The following KCTD16 variants were observed in gnomAD, a reference collection of about 807,000 sequenced individuals.
The protein encoded by KCTD16 is BTB/POZ domain-containing protein KCTD16.
In KCTD16, 13 loss-of-function variants were observed where a neutral mutation model predicts 33.2. The observed-to-expected ratio is 0.39, with a 90% CI of 0.25 to 0.62. KCTD16 has a LOEUF of 0.62. Ranked by LOEUF, KCTD16 falls within the 20% of genes least tolerant of loss-of-function variation. The pLI is 0.50. For missense variants in KCTD16, 441 were observed against 525.1 expected (o/e 0.84, Z 1.57); for synonymous variants, 197 against 195.3 (o/e 1.01, Z -0.07).
At chr5:144,261,615 C>T (rs1479703390) in intron 3 of KCTD16, among the ~76,000 whole-genome samples, 1 of 152,234 alleles carries the variant, frequency 6.6e-6, no homozygotes, top group Admixed American at 6.5e-5. Flanking sequence ...ATGGCTTATT[C>T]AAGGTCACCT....
chr5:144,429,394 C>T (rs1753406448), intron 3 of KCTD16, among the ~76,000 whole-genome samples: 1 of 152,098 alleles, frequency 6.6e-6, no homozygotes, highest in Admixed American at 6.6e-5. Flanking sequence ...GGAAGTACTT[C>T]CCTGAGCAGC....
chr5:144,484,146 G>A lies in KCTD16; in HGVS notation c.*10032G>A, dbSNP rs985554581. The stretch of plus-strand genomic sequence containing the variant: ...TTAGTTTAGAGACGGACAAACTAAT[G>A]TATTTTTGTAAATCATGGGTGGCGG... On this transcript the variant is annotated 3_prime_UTR_variant, in exon 4 of 4. Coordinates refer to ENST00000512467, the MANE Select transcript of KCTD16 (RefSeq NM_020768.4). The A allele has an allele frequency of 2.0e-5, 3 of 151,838 alleles. No individual in the cohort carries two copies. The highest frequency in any genetic ancestry group is 7.2e-5 in the African/African-American group (3 of 41,388). The allele number at this position is 151,838 out of a possible 1,614,324, so 9.4% of individuals were successfully genotyped here.
At chr5:144,183,470 C>T (rs557472773) in intron 2 of KCTD16, among the ~76,000 whole-genome samples, 1 of 152,076 alleles carries the variant, frequency 6.6e-6, no homozygotes, top group Non-Finnish European at 1.5e-5. Flanking sequence ...TTATTCCATG[C>T]TCATTTTGCC....
chr5:144,449,887 G>C (rs1753902744), intron 3 of KCTD16, among the ~76,000 whole-genome samples: 1 of 151,902 alleles, frequency 6.6e-6, no homozygotes, highest in Admixed American at 6.6e-5. Flanking sequence ...TGTTGGTCTT[G>C]GCAATGTTTT....
At chr5:144,457,890 C>T (rs376615531) in intron 3 of KCTD16, among the ~76,000 whole-genome samples, 5 of 152,178 alleles carry the variant, frequency 3.3e-5, no homozygotes, top group South Asian at 2.1e-4. Flanking sequence ...GGTCTTATAC[C>T]GTAACTGGTG....
chr5:144,398,689 A>C (rs1752632735), intron 3 of KCTD16, among the ~76,000 whole-genome samples: 1 of 149,894 alleles, frequency 6.7e-6, no homozygotes, highest in South Asian at 2.1e-4. Flanking sequence ...ATACCTTTGA[A>C]TATATTACAC....
intron 3 of KCTD16, among the ~76,000 whole-genome samples, chr5:144,330,319 A>G (rs962094536): frequency 1.3e-5 from 2 of 151,428 alleles, no homozygotes; most frequent in Admixed American, 6.6e-5. Flanking sequence ...AGAGTGATAC[A>G]GGAGAATTGC....
rs150414155 is a variant in KCTD16, at chr5:144,448,393, G to A, written c.833-25267G>A. Reference sequence around the variant, plus strand: ...ATTTCTACTTGGAGAAGAGCCTTAAGCTCTCTCTGGTTACCTCTGTGTGTT... The same window carrying A: ...ATTTCTACTTGGAGAAGAGCCTTAAACTCTCTCTGGTTACCTCTGTGTGTT... On this transcript the variant is annotated intron_variant, in intron 3 of 3. Transcript: ENST00000512467. 9.9e-5 allele frequency among the ~76,000 whole-genome samples: 15 copies of A among 152,174 alleles called. No individual in the cohort carries two copies. In the East Asian group the frequency reaches 2.9e-3, roughly 30 times the overall value.
At position 144,299,143 on chromosome 5, in the gene KCTD16, TATATA is replaced by T. The variant is rs1275968073; in HGVS notation, c.832+91598_832+91602del. ...ATATATATATATATATATATATATATATATATTTTTTTTTTTTTTTTTAACCTGTC... is the reference window on the plus strand; with the variant it reads ...ATATATATATATATATATATATATATTTTTTTTTTTTTTTTTTAACCTGTC... On this transcript the variant is annotated intron_variant, in intron 3 of 3. Transcript: ENST00000512467. Among the ~76,000 whole-genome samples, 224 of 23,004 alleles carry T rather than the reference TATATA, an allele frequency of 9.7e-3. 4 individuals carry two copies. Among genetic ancestry groups the T allele is most frequent in the Non-Finnish European group, 0.012 (178 of 15,094 alleles). 15.1% of individuals were successfully genotyped at this position (23,004 alleles called of 152,430 possible). A position where few individuals can be genotyped will look rare whatever the true frequency, so the allele number is the denominator to read the frequency against.
At chr5:144,436,808 G>A (rs550587919) in intron 3 of KCTD16, among the ~76,000 whole-genome samples, 1 of 151,836 alleles carries the variant, frequency 6.6e-6, no homozygotes, top group South Asian at 2.1e-4. Flanking sequence ...GGCTGGTCTC[G>A]AACTCCTGAC....
intron 2 of KCTD16, among the ~76,000 whole-genome samples, chr5:144,202,970 C>T (rs1305722368): frequency 6.6e-6 from 1 of 152,044 alleles, no homozygotes; most frequent in Non-Finnish European, 1.5e-5. Flanking sequence ...CTACATGGCC[C>T]CCGCACCTGT....
chr5:144,420,216 A>T (rs1212274193), intron 3 of KCTD16, among the ~76,000 whole-genome samples: 1 of 152,072 alleles, frequency 6.6e-6, no homozygotes, highest in African/African-American at 2.4e-5. Context: ...TTATAGGATA[A>T]CTTGAAGCAT....
At chr5:144,257,045 C>A (rs894235894) in intron 3 of KCTD16, among the ~76,000 whole-genome samples, 12 of 152,154 alleles carry the variant, frequency 7.9e-5, no homozygotes, top group Admixed American at 5.2e-4. Flanking sequence ...ATATCATAAT[C>A]ACCAAGATAC....
intron 3 of KCTD16, among the ~76,000 whole-genome samples, chr5:144,471,005 G>A (rs1437662095): frequency 1.3e-5 from 2 of 152,186 alleles, no homozygotes; most frequent in South Asian, 2.1e-4. Context: ...TGGTGAAACC[G>A]CCTCTCTACT....
intron 3 of KCTD16, among the ~76,000 whole-genome samples, chr5:144,303,402 A>G (rs962701965): frequency 7.9e-5 from 12 of 152,188 alleles, no homozygotes; most frequent in African/African-American, 2.9e-4. Flanking sequence ...GTTAAAGATC[A>G]AGTACAGCAC....
At chr5:144,267,158 G>T (rs1255447206) in intron 3 of KCTD16, among the ~76,000 whole-genome samples, 1 of 152,182 alleles carries the variant, frequency 6.6e-6, no homozygotes, top group Non-Finnish European at 1.5e-5. Flanking sequence ...AAAGATGATG[G>T]TTCCTTACAG....
At chr5:144,387,138 A>AT (rs377558036) in intron 3 of KCTD16, among the ~76,000 whole-genome samples, 41,319 of 116,050 alleles carry the variant, frequency 0.36, 8,211 homozygotes, top group East Asian at 0.52. Flanking sequence ...GGCTAATTTA[A>AT]TTTTTTTTTT....
intron 3 of KCTD16, among the ~76,000 whole-genome samples, chr5:144,306,624 T>G (rs900844751): frequency 3.9e-5 from 6 of 152,196 alleles, no homozygotes; most frequent in African/African-American, 1.4e-4. Context: ...TGGGCCTCAT[T>G]GGCTCGCATT....
intron 3 of KCTD16, among the ~76,000 whole-genome samples, chr5:144,360,436 CT>C (rs79948952): frequency 2.4e-3 from 344 of 144,086 alleles, no homozygotes; most frequent in East Asian, 6.4e-3. Flanking sequence ...GAATTCATCC[CT>C]TTTTTTTTTT....
Sources: gnomAD v4.1 joint callset for allele counts (sites outside exome capture counted in the v4.1 genomes callset) on GRCh38, gnomAD v4.1.1 for gene constraint, MANE v1.5 for transcripts, NCBI Gene and HGNC (gene_info 2026-07-23, HGNC 2026-07-21) for gene names.